LOC128092252: variants seen among roughly 807,000 people sequenced by gnomAD.
chr15:50,676,110 T>A, the LOC128092252 span, among the ~76,000 whole-genome samples: 1 of 152,180 alleles, frequency 6.6e-6, no homozygotes, highest in Admixed American at 6.5e-5. Context: ...TCAAAACTCC[T>A]TAAATTATAA....
chr15:50,675,526 T>C, the LOC128092252 span, among the ~76,000 whole-genome samples: 81,956 of 151,890 alleles, frequency 0.54, 22,347 homozygotes, highest in Admixed American at 0.62. Flanking sequence ...GCTTCACAAA[T>C]CCAATATTCA....
the LOC128092252 span, among the ~76,000 whole-genome samples, chr15:50,670,981 T>C: frequency 6.6e-6 from 1 of 152,124 alleles, no homozygotes; most frequent in African/African-American, 2.4e-5. Context: ...TGAGACCAGA[T>C]AAAAGGGGGC....
the LOC128092252 span, among the ~76,000 whole-genome samples, chr15:50,667,188 C>G: frequency 1.3e-5 from 2 of 152,134 alleles, no homozygotes. Context: ...ATGTCTGGAT[C>G]AGAGAAACAT....
the LOC128092252 span, among the ~76,000 whole-genome samples, chr15:50,676,442 G>C: frequency 3.9e-5 from 6 of 152,046 alleles, no homozygotes; most frequent in African/African-American, 1.4e-4. Context: ...AAAGAGGCTA[G>C]ACACAGTGGC....
chr15:50,657,216 C>T, the LOC128092252 span, among the ~76,000 whole-genome samples: 8 of 152,014 alleles, frequency 5.3e-5, no homozygotes, highest in African/African-American at 1.9e-4. Flanking sequence ...CCCAGCTACT[C>T]GGGAGGCTGA....
chr15:50,662,934 A>G, the LOC128092252 span: 3 of 1,483,144 alleles, frequency 2.0e-6, no homozygotes, highest in South Asian at 3.6e-5. Context: ...TAAAATTTCT[A>G]GAAGACCCCA....
chr15:50,673,932 T>C, the LOC128092252 span, among the ~76,000 whole-genome samples: 24 of 152,208 alleles, frequency 1.6e-4, no homozygotes, highest in African/African-American at 5.3e-4. Flanking sequence ...CTATTATTTG[T>C]TGTTTTATGT....
the LOC128092252 span, among the ~76,000 whole-genome samples, chr15:50,652,575 A>T: frequency 6.6e-6 from 1 of 151,882 alleles, no homozygotes; most frequent in Admixed American, 6.6e-5. Flanking sequence ...AGAAAATTCA[A>T]AGCCAGATGC....
At chr15:50,684,533 C>T in the LOC128092252 span, among the ~76,000 whole-genome samples, 179 of 151,864 alleles carry the variant, frequency 1.2e-3, no homozygotes, top group Non-Finnish European at 1.0e-3. Flanking sequence ...CCCAGCTACT[C>T]GGGAGGCTGA....
the LOC128092252 span, among the ~76,000 whole-genome samples, chr15:50,657,180 C>T: frequency 6.6e-6 from 1 of 151,916 alleles, no homozygotes; most frequent in Non-Finnish European, 1.5e-5. Flanking sequence ...AAAAATTAGC[C>T]GGGCATGGTG....
the LOC128092252 span, among the ~76,000 whole-genome samples, chr15:50,679,891 T>C: frequency 6.6e-6 from 1 of 152,002 alleles, no homozygotes; most frequent in Non-Finnish European, 1.5e-5. Context: ...TTTAATGACT[T>C]TTCTAATCTA....
the LOC128092252 span, among the ~76,000 whole-genome samples, chr15:50,667,102 G>A: frequency 3.9e-5 from 6 of 152,072 alleles, no homozygotes; most frequent in African/African-American, 1.4e-4. Context: ...CAACCCAAAG[G>A]AAATAGACTG....
chr15:50,654,840 A>AAC, the LOC128092252 span, among the ~76,000 whole-genome samples: 1 of 149,252 alleles, frequency 6.7e-6, no homozygotes, highest in Non-Finnish European at 1.5e-5. Context: ...TACTAAAAAA[A>AAC]ACCACAAAAA....
At chr15:50,664,035 C>G in the LOC128092252 span, among the ~76,000 whole-genome samples, 1 of 152,020 alleles carries the variant, frequency 6.6e-6, no homozygotes. Context: ...TGCGGTGGCT[C>G]ACACGTATAA....
the LOC128092252 span, among the ~76,000 whole-genome samples, chr15:50,679,538 A>ATATATATATATTT: frequency 1.8e-4 from 8 of 43,898 alleles, 1 homozygote; most frequent in African/African-American, 8.6e-4. Context: ...ATATATATAT[A>ATATATATATATTT]TTTTTTTTTT....
the LOC128092252 span, among the ~76,000 whole-genome samples, chr15:50,653,268 T>C: frequency 2.0e-5 from 3 of 152,182 alleles, no homozygotes; most frequent in Non-Finnish European, 2.9e-5. Flanking sequence ...CTTGGCAATA[T>C]AGTGAGACCC....
At chr15:50,684,947 ATT>A in the LOC128092252 span, among the ~76,000 whole-genome samples, 2 of 152,210 alleles carry the variant, frequency 1.3e-5, no homozygotes, top group Non-Finnish European at 2.9e-5. Context: ...GCAATTATTA[ATT>A]TTTAGGCATG....
chr15:50,667,404 G>A, the LOC128092252 span, among the ~76,000 whole-genome samples: 2 of 152,052 alleles, frequency 1.3e-5, no homozygotes, highest in Non-Finnish European at 2.9e-5. Context: ...TGATTAACTG[G>A]TTTAAAAATA....
chr15:50,656,230 A>G, the LOC128092252 span, among the ~76,000 whole-genome samples: 1 of 152,192 alleles, frequency 6.6e-6, no homozygotes, highest in Non-Finnish European at 1.5e-5. Context: ...CTCACCATCT[A>G]TAAGAAGAAA....
Sources: gnomAD v4.1 joint callset for allele counts (sites outside exome capture counted in the v4.1 genomes callset) on GRCh38, gnomAD v4.1.1 for gene constraint, MANE v1.5 for transcripts.